WDR7: variants seen among roughly 807,000 people sequenced by gnomAD.
The protein encoded by WDR7 is WD repeat-containing protein 7.
Under a neutral mutation model 169.4 loss-of-function variants are expected in WDR7, and 46 were observed. That is an observed-to-expected ratio of 0.27 (90% CI 0.21 to 0.35). The LOEUF is 0.35. Ranked by LOEUF, WDR7 falls within the 10% of genes least tolerant of loss-of-function variation. The pLI is 1.00. For synonymous variants in WDR7, 612 were observed against 666.8 expected, an observed-to-expected ratio of 0.92 and a Z score of 1.27; for missense variants, 1,534 against 1,859.3, an observed-to-expected ratio of 0.83 and a Z score of 3.22.
intron 20 of WDR7, among the ~76,000 whole-genome samples, chr18:56,823,849 A>C (rs2045147919): frequency 6.6e-6 from 1 of 152,116 alleles, no homozygotes; most frequent in Non-Finnish European, 1.5e-5. Context: ...ACCTAGATCC[A>C]GCCTTGCATT....
At chr18:56,722,295 C>G (rs1335571969) in intron 13 of WDR7, among the ~76,000 whole-genome samples, 2 of 152,040 alleles carry the variant, frequency 1.3e-5, no homozygotes, top group African/African-American at 2.4e-5. Context: ...ATGTTTTTCT[C>G]TTGTTACTAA....
intron 27 of WDR7, among the ~76,000 whole-genome samples, chr18:57,024,534 G>GGC (rs2048331582): frequency 7.0e-6 from 1 of 143,776 alleles, no homozygotes; most frequent in African/African-American, 2.7e-5. Flanking sequence ...CCTATTCTCA[G>GGC]ACAGGAATAG....
intron 20 of WDR7, among the ~76,000 whole-genome samples, chr18:56,828,624 C>G (rs1453067929): frequency 6.6e-6 from 1 of 152,032 alleles, no homozygotes; most frequent in East Asian, 1.9e-4. Flanking sequence ...CTTCACCATA[C>G]TATCATTAAA....
intron 11 of WDR7, among the ~76,000 whole-genome samples, chr18:56,695,926 T>C (rs2025693218): frequency 6.6e-6 from 1 of 152,236 alleles, no homozygotes; most frequent in African/African-American, 2.4e-5. Context: ...TAGCAAAAAC[T>C]ATTTTCATTT....
intron 26 of WDR7, among the ~76,000 whole-genome samples, chr18:57,020,292 A>G (rs1193189696): frequency 6.6e-6 from 1 of 152,210 alleles, no homozygotes; most frequent in Non-Finnish European, 1.5e-5. Context: ...TATTAAGGAG[A>G]TGAAATTATA....
chr18:56,883,084 C>T (rs950763457), intron 21 of WDR7, among the ~76,000 whole-genome samples: 134 of 152,168 alleles, frequency 8.8e-4, no homozygotes, highest in African/African-American at 3.2e-3. Context: ...GTGGCAGGCG[C>T]CTGTAGTCCC....
At chr18:56,701,677 T>G (rs1598973097) in intron 12 of WDR7, among the ~76,000 whole-genome samples, 1 of 152,298 alleles carries the variant, frequency 6.6e-6, no homozygotes, top group African/African-American at 2.4e-5. Flanking sequence ...CAGCTAAAAT[T>G]TAAACTGGGC....
At chr18:56,824,258 A>C (rs1599076067) in intron 20 of WDR7, among the ~76,000 whole-genome samples, 1 of 152,132 alleles carries the variant, frequency 6.6e-6, no homozygotes, top group Non-Finnish European at 1.5e-5. Context: ...ATCTTCATGG[A>C]TCCTATCTGG....
At chr18:56,703,685 T>C (rs2025885022) in intron 12 of WDR7, among the ~76,000 whole-genome samples, 1 of 152,122 alleles carries the variant, frequency 6.6e-6, no homozygotes, top group Admixed American at 6.5e-5. Flanking sequence ...TACATAGTTA[T>C]AGAAAATAGA....
chr18:56,958,146 G>T (rs114972715), intron 25 of WDR7, among the ~76,000 whole-genome samples: 2,395 of 152,204 alleles, frequency 0.016, 55 homozygotes, highest in African/African-American at 0.052. Flanking sequence ...AAGCAACATG[G>T]TGTGCTTCAA....
At chr18:56,984,848 G>A (rs759834075) in intron 26 of WDR7, among the ~76,000 whole-genome samples, 8 of 152,074 alleles carry the variant, frequency 5.3e-5, no homozygotes, top group Non-Finnish European at 1.0e-4. Context: ...CAGCCATAGC[G>A]TACTGTGGGA....
chr18:56,680,176 T>G (rs1490220905), intron 3 of WDR7, among the ~76,000 whole-genome samples: 1 of 151,934 alleles, frequency 6.6e-6, no homozygotes, highest in African/African-American at 2.4e-5. Flanking sequence ...GAGCAACATG[T>G]TAAAACCCTG....
chr18:56,885,132 G>A (rs1447515825), intron 21 of WDR7, among the ~76,000 whole-genome samples: 1 of 152,120 alleles, frequency 6.6e-6, no homozygotes, highest in African/African-American at 2.4e-5. Context: ...AAAAGAATCT[G>A]AACAGCAGCC....
chr18:56,964,579 G>A (rs953311438), intron 26 of WDR7, among the ~76,000 whole-genome samples: 1 of 151,922 alleles, frequency 6.6e-6, no homozygotes, highest in Non-Finnish European at 1.5e-5. Context: ...GTAGAGATGG[G>A]GTCTCATCAT....
intron 20 of WDR7, among the ~76,000 whole-genome samples, chr18:56,834,305 G>C (rs1284819990): frequency 6.6e-6 from 1 of 152,138 alleles, no homozygotes; most frequent in Non-Finnish European, 1.5e-5. Context: ...GTCGTCCACT[G>C]GTTAGTAGTA....
chr18:56,965,954 A>T (rs1161932705), intron 26 of WDR7, among the ~76,000 whole-genome samples: 1 of 152,166 alleles, frequency 6.6e-6, no homozygotes, highest in East Asian at 1.9e-4. Context: ...AACTTCTGTA[A>T]GCTGAAGCTT....
intron 12 of WDR7, among the ~76,000 whole-genome samples, chr18:56,715,621 C>T (rs1027234603): frequency 1.3e-5 from 2 of 151,956 alleles, no homozygotes; most frequent in Non-Finnish European, 2.9e-5. Flanking sequence ...ATTGCTTGAG[C>T]CCAGGAGTTC....
intron 22 of WDR7, among the ~76,000 whole-genome samples, chr18:56,926,647 C>A (rs1374588364): frequency 6.6e-6 from 1 of 152,210 alleles, no homozygotes; most frequent in Admixed American, 6.5e-5. Flanking sequence ...CAATTTAAAT[C>A]TTGCTATTAC....
intron 9 of WDR7, among the ~76,000 whole-genome samples, 178 bp downstream of exon 9, chr18:56,691,995 CAT>C (rs1273112546): frequency 6.6e-6 from 1 of 152,166 alleles, no homozygotes; most frequent in Non-Finnish European, 1.5e-5. Context: ...TGTTTAAAAA[CAT>C]ATAATATGCC....
Sources: allele counts gnomAD v4.1 joint callset (sites outside exome capture counted in the v4.1 genomes callset), GRCh38; gene constraint gnomAD v4.1.1; transcripts MANE v1.5; gene names NCBI Gene and HGNC (gene_info 2026-07-23, HGNC 2026-07-21).